The following RBM25 variants were observed in gnomAD, a reference collection of about 807,000 sequenced individuals.
The protein encoded by RBM25 is RNA-binding protein 25.
In RBM25, 19 loss-of-function variants were observed where a neutral mutation model predicts 120.7. The ratio of observed to expected loss-of-function variants is 0.16; its 90% CI spans 0.11 to 0.23. The LOEUF (loss-of-function observed/expected upper bound fraction) is 0.23, where lower values mean the gene tolerates loss of function less well. RBM25 is among the 10% of genes least tolerant of loss of function. The pLI, the probability that RBM25 is intolerant of heterozygous loss-of-function variation, is 1.00. For synonymous variants in RBM25, 390 were observed against 326.7 expected (o/e 1.19, Z -2.09); for missense variants, 605 against 1,041.5 (o/e 0.58, Z 5.77).
chr14:73,119,899 T>G lies in RBM25; in HGVS notation c.*94T>G, dbSNP rs979579283. ...CTTTGTCTTTGAAGACATTGTGAGA[T>G]CTGTAATTTTTTTTTTTTGTAGAAA... On this transcript the variant is annotated 3_prime_UTR_variant, in exon 19 of 19. Coordinates refer to ENST00000261973, the MANE Select transcript of RBM25 (RefSeq NM_021239.3). 4.4e-5 allele frequency: 65 copies of G among 1,480,030 alleles called. No homozygotes were observed. The highest frequency in any genetic ancestry group is 5.6e-5 in the Non-Finnish European group (63 of 1,123,900). The allele number at this position is 1,480,030 out of a possible 1,614,324, so 91.7% of individuals were successfully genotyped here. A position where few individuals can be genotyped will look rare whatever the true frequency, so the allele number is the denominator to read the frequency against.
rs143701813 is a variant in RBM25, at chr14:73,088,047, A to C, written c.429A>C (p.Ala143=). The change falls in exon 6 of 19, where the codon GCA becomes GCC. Residue 143 remains alanine, a synonymous_variant. Coordinates refer to ENST00000261973, the MANE Select transcript of RBM25 (RefSeq NM_021239.3). ...EYKEPESTLR[A]LRLLHDLQIG... is the part of the protein sequence containing the mutation. ...AGGAGCCAGAATCTACCCTCCGTGCACTCAGATTATTACATGACCTGCAAA... is the reference window on the plus strand; with the variant it reads ...AGGAGCCAGAATCTACCCTCCGTGCCCTCAGATTATTACATGACCTGCAAA... 1.2e-6 allele frequency: 2 copies of C among 1,614,168 alleles called. No homozygotes were observed. Among genetic ancestry groups the C allele is most frequent in the African/African-American group, 1.3e-5 (1 of 75,052 alleles).
At chr14:73,090,832 T>A (rs1487883534) in intron 6 of RBM25, among the ~76,000 whole-genome samples, 3 of 152,222 alleles carry the variant, frequency 2.0e-5, no homozygotes, top group Non-Finnish European at 4.4e-5. Context: ...GAATTAACAT[T>A]TGTTAATAGA....
chr14:73,081,611 A>T (rs549580636), intron 4 of RBM25, among the ~76,000 whole-genome samples: 1 of 152,236 alleles, frequency 6.6e-6, no homozygotes, highest in East Asian at 1.9e-4. Flanking sequence ...TATTGGGATG[A>T]TACATCCTCT....
At chr14:73,105,038 TACACACACAC>T (rs57281649) in intron 10 of RBM25, among the ~76,000 whole-genome samples, 4 of 141,144 alleles carry the variant, frequency 2.8e-5, no homozygotes, top group Admixed American at 1.4e-4. Context: ...ACATATTAAA[TACACACACAC>T]ACACACACAC....
chr14:73,119,090 AC>A (rs1896493351), intron 18 of RBM25, among the ~76,000 whole-genome samples: 1 of 152,022 alleles, frequency 6.6e-6, no homozygotes, highest in South Asian at 2.1e-4. Flanking sequence ...TATTAATAAT[AC>A]ATTTCTCACA....
At chr14:73,108,708 TA>T (rs1170742547) in intron 13 of RBM25, among the ~76,000 whole-genome samples, 4 of 152,238 alleles carry the variant, frequency 2.6e-5, no homozygotes, top group African/African-American at 9.6e-5. Context: ...TTAAATTTAA[TA>T]CAGTATAGCC....
intron 3 of RBM25, among the ~76,000 whole-genome samples, chr14:73,076,909 G>A (rs528789747): frequency 1.2e-4 from 19 of 152,288 alleles, no homozygotes; most frequent in African/African-American, 4.1e-4. Flanking sequence ...GTGAAACCCT[G>A]TGTCTACTAA....
rs769444558 is a variant in RBM25 at position 73,121,044 on chromosome 14, A to G, written c.*1239A>G. The G allele has an allele frequency of 5.9e-5, 9 of 152,224 alleles. No homozygotes were observed. The highest frequency in any genetic ancestry group is 1.0e-4 in the Non-Finnish European group (7 of 68,016). The allele number at this position is 152,224 out of a possible 1,614,324, so 9.4% of individuals were successfully genotyped here. A position where few individuals can be genotyped will look rare whatever the true frequency, so the allele number is the denominator to read the frequency against. ...TTTCTTCGTTGTAGATCAGAATTTCACCAGGGAGTAAAATTACCTGAAAAC... is the reference window on the plus strand; with the variant it reads ...TTTCTTCGTTGTAGATCAGAATTTCGCCAGGGAGTAAAATTACCTGAAAAC... On this transcript the variant is annotated 3_prime_UTR_variant, in exon 19 of 19. Coordinates refer to ENST00000261973, the MANE Select transcript of RBM25 (RefSeq NM_021239.3).
chr14:73,100,025 ACATCAAGGT>A, intron 9 of RBM25: 1 of 474,390 alleles, frequency 2.1e-6, no homozygotes, highest in Non-Finnish European at 3.6e-6. Context: ...TTCAACATAA[ACATCAAGGT>A]CAGACTTAAA....
At chr14:73,105,464 C>G (rs939711413) in intron 10 of RBM25, among the ~76,000 whole-genome samples, 1 of 152,192 alleles carries the variant, frequency 6.6e-6, no homozygotes, top group African/African-American at 2.4e-5. Context: ...TAAACTATCT[C>G]TTAACATATT....
At chr14:73,119,584 C>G in intron 18 of RBM25, 129 bp from the exon 19 acceptor site, 1 of 1,499,686 alleles carries the variant, frequency 6.7e-7, no homozygotes, top group Non-Finnish European at 8.9e-7. Context: ...ACCTTAAAAT[C>G]TTAACTAGCA....
chr14:73,065,742 C>CA (rs1378189842), intron 1 of RBM25, among the ~76,000 whole-genome samples: 8 of 149,166 alleles, frequency 5.4e-5, no homozygotes, highest in Admixed American at 5.3e-4. Context: ...TTAGTGGAGA[C>CA]AGGGGTTTCA....
chr14:73,110,867 A>C lies in RBM25; in HGVS notation c.1729A>C (p.Ile577Leu), dbSNP rs769168006. The C allele has an allele frequency of 1.2e-5, 19 of 1,612,024 alleles. No homozygotes were observed. Among genetic ancestry groups the C allele is most frequent in the Admixed American group, 1.7e-5 (1 of 59,398 alleles). The stretch of plus-strand genomic sequence containing the variant: ...GGCTGAGAGGCGCAGGCAGCCACAA[A>C]TAAAGCAAGAGCCAGAATCAGAAGA... Reference protein sequence around the residue: ...QEAERRRQPQIKQEPESEEEE... With the variant: ...QEAERRRQPQLKQEPESEEEE... Residue 577 changes from isoleucine (I) to leucine (L), a missense_variant, in exon 15 of 19, where the codon ATA becomes CTA. By Grantham distance (5) the Ile-to-Leu change is conservative. Transcript: ENST00000261973.
chr14:73,080,401 T>C (rs997364250), intron 4 of RBM25, among the ~76,000 whole-genome samples: 2 of 151,792 alleles, frequency 1.3e-5, no homozygotes, highest in Non-Finnish European at 2.9e-5. Context: ...TTTTTTGTAT[T>C]TTTAGTAGAG....
intron 6 of RBM25, 153 bp downstream of exon 6, chr14:73,088,314 A>G: frequency 3.0e-6 from 3 of 1,013,860 alleles, no homozygotes; most frequent in Non-Finnish European, 4.5e-6. Context: ...GTTTGTAGTT[A>G]TTTTAAGTCT....
intron 1 of RBM25, among the ~76,000 whole-genome samples, chr14:73,062,462 G>A (rs1195519402): frequency 6.6e-6 from 1 of 151,414 alleles, no homozygotes; most frequent in African/African-American, 2.4e-5. Flanking sequence ...GATGGAGCTA[G>A]TCTAAAATAA....
At chr14:73,081,312 A>T (rs1248402509) in intron 4 of RBM25, among the ~76,000 whole-genome samples, 2 of 151,928 alleles carry the variant, frequency 1.3e-5, no homozygotes, top group African/African-American at 4.8e-5. Flanking sequence ...TAATTTTTGT[A>T]TTTTTAGTAG....
chr14:73,103,948 T>TCTCTCTCACACACA (rs1594928335), intron 10 of RBM25, among the ~76,000 whole-genome samples: 46 of 91,410 alleles, frequency 5.0e-4, no homozygotes, highest in Non-Finnish European at 9.5e-4. Context: ...TCTCTCTCTC[T>TCTCTCTCACACACA]CACACACACA....
At chr14:73,115,050 A>G (rs1037391554) in intron 18 of RBM25, among the ~76,000 whole-genome samples, 2 of 152,162 alleles carry the variant, frequency 1.3e-5, no homozygotes, top group Non-Finnish European at 2.9e-5. Flanking sequence ...ACTTGTTTGA[A>G]TTAGATATGT....
Sources: allele counts gnomAD v4.1 joint callset (sites outside exome capture counted in the v4.1 genomes callset), GRCh38; gene constraint gnomAD v4.1.1; transcripts MANE v1.5; gene names NCBI Gene and HGNC (gene_info 2026-07-23, HGNC 2026-07-21).